The following SLC22A23 variants were observed in gnomAD, a reference collection of about 807,000 sequenced individuals.
SLC22A23 encodes solute carrier family 22 member 23.
A neutral mutation model predicts 61.0 loss-of-function variants in SLC22A23; 26 were observed. That is an observed-to-expected ratio of 0.43 (90% confidence interval 0.31 to 0.59). The LOEUF is 0.59. Ranked by LOEUF, SLC22A23 falls within the 20% of genes least tolerant of loss-of-function variation. The pLI, the probability that SLC22A23 is intolerant of heterozygous loss-of-function variation, is 0.11. For missense variants in SLC22A23, 796 were observed against 934.7 expected (o/e 0.85, Z 1.94); for synonymous variants, 430 against 413.9 (o/e 1.04, Z -0.47).
chr6:3,318,976 A>T lies in SLC22A23; in HGVS notation c.1082+4858T>A, dbSNP rs1762795923. On this transcript the variant is annotated intron_variant, in intron 4 of 9. Transcript: ENST00000406686. The surrounding 1 kb of genome is among the most constrained non-coding windows in gnomAD (Gnocchi z 4.3). ...AATCAGCCCTCTGCAGGTGACACCC[A>T]GCCTTCCCCAGTGCAGGCACCAGGA... Among the ~76,000 whole-genome samples, 1 of 152,154 alleles carries T rather than the reference A, an allele frequency of 6.6e-6. No individual in the cohort carries two copies.
chr6:3,349,897 C>A (rs1252310432), intron 3 of SLC22A23, among the ~76,000 whole-genome samples: 8 of 152,242 alleles, frequency 5.3e-5, no homozygotes, highest in Non-Finnish European at 1.2e-4. Context: ...CAGAGCACCT[C>A]TTCCAGGGCT....
intron 3 of SLC22A23, among the ~76,000 whole-genome samples, chr6:3,358,889 C>T (rs1343505660): frequency 1.3e-5 from 2 of 152,102 alleles, no homozygotes; most frequent in Admixed American, 1.3e-4. Flanking sequence ...GGAACCTTTG[C>T]CATTTCAAAG....
chr6:3,362,276 C>T (rs184552567), intron 3 of SLC22A23, among the ~76,000 whole-genome samples: 100 of 151,158 alleles, frequency 6.6e-4, no homozygotes, highest in Admixed American at 1.3e-3. Context: ...TGGTAGCATG[C>T]GCCTGTAGTC....
rs750435931 is a variant in SLC22A23 at position 3,287,083 on chromosome 6, C to T, written c.1322G>A (p.Gly441Glu). Residue 441 changes from glycine (G) to glutamate (E), a missense_variant, in exon 7 of 10, where the codon GGG (glycine) becomes GAG (glutamate). Physicochemically the swap from Gly to Glu is moderately conservative, Grantham distance 98 (BLOSUM62 -2). Coordinates refer to ENST00000406686, the MANE Select transcript of SLC22A23 (RefSeq NM_015482.2). ...GGCAAAGCAGTGGTGGATCCCGTAC[C>T]CCGTCAGCCTGTGGAGACATACCGA... ...IVVLCVNSLT[G>E]YGIHHCFARS... 1 of 1,614,062 alleles carries T rather than the reference C, an allele frequency of 6.2e-7. No individual in the cohort carries two copies. The highest frequency in any genetic ancestry group is 8.5e-7 in the Non-Finnish European group (1 of 1,180,000).
intron 3 of SLC22A23, among the ~76,000 whole-genome samples, chr6:3,395,342 A>G (rs1485814321): frequency 4.6e-5 from 7 of 152,120 alleles, no homozygotes; most frequent in African/African-American, 1.4e-4. Flanking sequence ...GAGAATCAAG[A>G]TCTCACATGC....
At chr6:3,326,935 G>A (rs1032737894) in intron 3 of SLC22A23, among the ~76,000 whole-genome samples, 2 of 152,230 alleles carry the variant, frequency 1.3e-5, no homozygotes, top group Non-Finnish European at 2.9e-5. Context: ...AAGAACACAT[G>A]AGGACATTTC....
Position 3,353,280 on chromosome 6 carries a change from C to G in SLC22A23, c.914-29278G>C, listed in dbSNP as rs183691528. On this transcript the variant is annotated intron_variant, in intron 3 of 9. Transcript: ENST00000406686. ...AAAACCTGGTTTTCCAGCATTTGAA[C>G]AAAAAAAGGGAAACTCCGTCTGTGT... Among the ~76,000 whole-genome samples the G allele has an allele frequency of 2.0e-5, 3 of 152,128 alleles. No homozygotes were observed. In the East Asian group the frequency reaches 5.8e-4, roughly 29 times the overall value.
At chr6:3,367,386 T>C (rs1765903788) in intron 3 of SLC22A23, among the ~76,000 whole-genome samples, 1 of 152,256 alleles carries the variant, frequency 6.6e-6, no homozygotes, top group South Asian at 2.1e-4. Flanking sequence ...ATGGGAAATG[T>C]CTATTCCAAT....
At chr6:3,367,792 C>A (rs1461729557) in intron 3 of SLC22A23, among the ~76,000 whole-genome samples, 2 of 152,168 alleles carry the variant, frequency 1.3e-5, no homozygotes, top group Non-Finnish European at 2.9e-5. Context: ...GAGGAACCAG[C>A]CTCCATCAAT....
intron 3 of SLC22A23, among the ~76,000 whole-genome samples, chr6:3,405,185 T>TG (rs1341488505): frequency 1.3e-5 from 2 of 151,408 alleles, no homozygotes; most frequent in African/African-American, 2.4e-5. Context: ...CACTTGAACC[T>TG]GGGGGGCGGA....
In SLC22A23 at chr6:3,410,370, A is replaced by ACT; in HGVS notation, c.759-29_759-28insAG. 1 of 1,551,804 alleles carries ACT rather than the reference A, an allele frequency of 6.4e-7. No homozygotes were observed. Among genetic ancestry groups the ACT allele is most frequent in the African/African-American group, 1.4e-5 (1 of 72,824 alleles). ...GCATATGGAGAGGGAAAAAGTTAGG[A>ACT]ATCATTGTGAAACAAGACAATGACG... On this transcript the variant is annotated intron_variant, in intron 2 of 9. Coordinates refer to ENST00000406686, the MANE Select transcript of SLC22A23 (RefSeq NM_015482.2). The surrounding 1 kb of genome is among the most constrained non-coding windows in gnomAD (Gnocchi z 5.0).
chr6:3,383,233 G>C (rs1767066645), intron 3 of SLC22A23, among the ~76,000 whole-genome samples: 1 of 152,186 alleles, frequency 6.6e-6, no homozygotes, highest in African/African-American at 2.4e-5. Context: ...GGTATGATTT[G>C]ACTTATTAAA....
chr6:3,404,177 C>T (rs865815721), intron 3 of SLC22A23, among the ~76,000 whole-genome samples: 15 of 152,086 alleles, frequency 9.9e-5, no homozygotes, highest in South Asian at 2.1e-4. Flanking sequence ...CAGATATCTC[C>T]GAGTATTTGC....
chr6:3,403,532 T>A (rs1225782509), intron 3 of SLC22A23, among the ~76,000 whole-genome samples: 12 of 152,178 alleles, frequency 7.9e-5, no homozygotes, highest in Admixed American at 2.0e-4. Context: ...AATCTTACCC[T>A]ATCACAGCAT....
chr6:3,338,423 G>C (rs1463876295), intron 3 of SLC22A23, among the ~76,000 whole-genome samples: 2 of 152,306 alleles, frequency 1.3e-5, no homozygotes, highest in East Asian at 1.9e-4. Flanking sequence ...TCCGCCTCCC[G>C]GGTTCAAGTG....
intron 3 of SLC22A23, among the ~76,000 whole-genome samples, chr6:3,366,856 T>C (rs1765870676): frequency 1.3e-5 from 2 of 152,320 alleles, no homozygotes; most frequent in South Asian, 4.1e-4. Flanking sequence ...GCAAGTGACC[T>C]CTGTCTCCTA....
intron 1 of SLC22A23, among the ~76,000 whole-genome samples, chr6:3,429,151 G>A (rs980364598): frequency 6.6e-6 from 1 of 152,140 alleles, no homozygotes; most frequent in Non-Finnish European, 1.5e-5. Flanking sequence ...TAAAGGCTGG[G>A]GTACAACAGT....
chr6:3,432,173 G>A (rs1433434184), intron 1 of SLC22A23: 2 of 981,980 alleles, frequency 2.0e-6, no homozygotes, highest in East Asian at 1.1e-4. Flanking sequence ...GTTCAAACCG[G>A]TTCTCCTGCA....
intron 3 of SLC22A23, among the ~76,000 whole-genome samples, chr6:3,367,684 G>A (rs1765926150): frequency 6.6e-6 from 1 of 152,200 alleles, no homozygotes. Flanking sequence ...TGGTAGAAGG[G>A]CTTACAGTGA....
Sources: gnomAD v4.1 joint callset for allele counts (sites outside exome capture counted in the v4.1 genomes callset) on GRCh38, gnomAD v4.1.1 for gene constraint, Gnocchi (gnomAD v3.1) non-coding constraint, MANE v1.5 for transcripts, NCBI Gene and HGNC (gene_info 2026-07-23, HGNC 2026-07-21) for gene names.